The following TMEM232 variants were observed in gnomAD, a reference collection of about 807,000 sequenced individuals.
TMEM232 encodes the protein transmembrane protein 232.
TMEM232 carries 80 observed loss-of-function variants against 78.8 expected under a neutral mutation model. That is an observed-to-expected ratio of 1.01 (90% CI 0.85 to 1.22). The LOEUF (loss-of-function observed/expected upper bound fraction) is 1.22. TMEM232 is among the 50% of genes most tolerant of loss of function. The probability of loss-of-function intolerance (pLI) is 0.00; values close to 1 mark genes in which losing one functional copy is unlikely to be tolerated. For missense variants in TMEM232, 881 were observed against 742.2 expected (o/e 1.19, Z -2.17); for synonymous variants, 297 against 254.3 (o/e 1.17, Z -1.60).
chr5:110,695,464 G>A (rs954320766), intron 1 of TMEM232, among the ~76,000 whole-genome samples: 1 of 152,182 alleles, frequency 6.6e-6, no homozygotes, highest in Non-Finnish European at 1.5e-5. Flanking sequence ...GAGCAGAACT[G>A]AAGGGAATAG....
At position 110,388,518 on chromosome 5, in the gene TMEM232, C is replaced by T. The variant is rs563022901; in HGVS notation, n.616-465G>A. Among the ~76,000 whole-genome samples the T allele has an allele frequency of 3.3e-5, 5 of 152,210 alleles. No individual in the cohort carries two copies. In the South Asian group the frequency reaches 1.0e-3, roughly 32 times the overall value. On this transcript the variant is annotated intron_variant and non_coding_transcript_variant, in intron 4 of 8. Coordinates refer to the TMEM232 transcript ENST00000507188. The stretch of plus-strand genomic sequence containing the variant: ...GGTTGCTTTTTATTAAAAGGAAAAC[C>T]TTACCAAGGACTTTCGTACCCTCAC...
intron 5 of TMEM232, among the ~76,000 whole-genome samples, chr5:110,637,606 A>G (rs114852550): frequency 1.3e-3 from 191 of 151,996 alleles, no homozygotes; most frequent in Non-Finnish European, 2.3e-3. Flanking sequence ...CATCTTAAAA[A>G]ATACTTTTAG....
At chr5:110,439,431 C>A (rs1758788283) in intron 12 of TMEM232, among the ~76,000 whole-genome samples, 1 of 152,000 alleles carries the variant, frequency 6.6e-6, no homozygotes, top group African/African-American at 2.4e-5. Flanking sequence ...TCTGATGTCA[C>A]CCCTCCAACA....
chr5:110,522,955 A>G (rs182290590), intron 12 of TMEM232, among the ~76,000 whole-genome samples: 1 of 152,210 alleles, frequency 6.6e-6, no homozygotes, highest in Admixed American at 6.5e-5. Flanking sequence ...CTCCTCTTCA[A>G]TTTTTGGAGG....
chr5:110,431,981 T>A (rs1757907840), intron 12 of TMEM232, among the ~76,000 whole-genome samples: 1 of 151,786 alleles, frequency 6.6e-6, no homozygotes, highest in Non-Finnish European at 1.5e-5. Context: ...TTGGTAGCTT[T>A]ATAAAATGGA....
intron 2 of TMEM232, among the ~76,000 whole-genome samples, chr5:110,656,743 C>T (rs777081368): frequency 1.3e-5 from 2 of 151,494 alleles, no homozygotes; most frequent in Admixed American, 6.6e-5. Context: ...GAGGCTGAGG[C>T]AGGAGAATGG....
chr5:110,527,485 A>C (rs921095023), intron 12 of TMEM232, among the ~76,000 whole-genome samples: 10 of 151,990 alleles, frequency 6.6e-5, no homozygotes, highest in Admixed American at 6.6e-4. Flanking sequence ...GTTAAGTTTA[A>C]ATTTACAGAT....
intron 12 of TMEM232, among the ~76,000 whole-genome samples, chr5:110,457,176 C>T (rs1189866370): frequency 6.6e-6 from 1 of 151,934 alleles, no homozygotes; most frequent in Non-Finnish European, 1.5e-5. Flanking sequence ...ATCACATTAA[C>T]TTAATAAAAA....
chr5:110,587,845 T>C (rs1228373872), intron 10 of TMEM232, among the ~76,000 whole-genome samples: 1 of 150,988 alleles, frequency 6.6e-6, no homozygotes, highest in Admixed American at 6.6e-5. Flanking sequence ...TTTGGTTAAC[T>C]TCTGTATATG....
chr5:110,434,832 G>A (rs182382602), intron 12 of TMEM232, among the ~76,000 whole-genome samples: 2 of 151,730 alleles, frequency 1.3e-5, no homozygotes, highest in Non-Finnish European at 2.9e-5. Flanking sequence ...ATCACATAAA[G>A]AGAAATTTAA....
intron 1 of TMEM232, among the ~76,000 whole-genome samples, chr5:110,723,282 C>T (rs1404432427): frequency 6.6e-6 from 1 of 152,000 alleles, no homozygotes; most frequent in Non-Finnish European, 1.5e-5. Flanking sequence ...GGCATTAGAC[C>T]AGTTGACACA....
chr5:110,457,767 T>C (rs1761056325), intron 12 of TMEM232, among the ~76,000 whole-genome samples: 1 of 152,046 alleles, frequency 6.6e-6, no homozygotes, highest in African/African-American at 2.4e-5. Flanking sequence ...AGAATGTAGG[T>C]GCTATAAGAT....
intron 10 of TMEM232, among the ~76,000 whole-genome samples, chr5:110,597,513 C>T (rs1305582586): frequency 3.3e-5 from 5 of 151,980 alleles, no homozygotes; most frequent in Non-Finnish European, 7.4e-5. Flanking sequence ...GAAAAAACTA[C>T]TTTAAAGTTC....
intron 7 of TMEM232, among the ~76,000 whole-genome samples, chr5:110,624,153 C>T (rs1236558814): frequency 1.3e-5 from 2 of 152,100 alleles, no homozygotes; most frequent in Admixed American, 1.3e-4. Context: ...AAGAACATTC[C>T]AATCACAACA....
At chr5:110,508,784 T>C (rs924416744) in intron 12 of TMEM232, among the ~76,000 whole-genome samples, 4 of 148,634 alleles carry the variant, frequency 2.7e-5, no homozygotes, top group Admixed American at 2.0e-4. Context: ...TATGCATATA[T>C]GCTTTGTTTA....
At chr5:110,563,295 T>C (rs1298139805) in intron 11 of TMEM232, among the ~76,000 whole-genome samples, 1 of 151,900 alleles carries the variant, frequency 6.6e-6, no homozygotes, top group African/African-American at 2.4e-5. Flanking sequence ...CTTATGAATT[T>C]CAAATGTAAT....
chr5:110,511,132 ATG>A (rs1339163598), intron 12 of TMEM232, among the ~76,000 whole-genome samples: 1 of 152,198 alleles, frequency 6.6e-6, no homozygotes, highest in African/African-American at 2.4e-5. Flanking sequence ...GAATGAGTTC[ATG>A]TCCTTTGCAG....
At chr5:110,483,936 A>T (rs1477941210) in intron 12 of TMEM232, among the ~76,000 whole-genome samples, 5 of 152,208 alleles carry the variant, frequency 3.3e-5, no homozygotes, top group Non-Finnish European at 5.9e-5. Context: ...TGGATTCAGT[A>T]AAGAAAGTGT....
intron 1 of TMEM232, among the ~76,000 whole-genome samples, chr5:110,669,429 G>C (rs568630906): frequency 1.3e-5 from 2 of 152,098 alleles, no homozygotes; most frequent in Non-Finnish European, 2.9e-5. Context: ...GACTAAACCA[G>C]GAAGAAGCTG....
Sources: allele counts gnomAD v4.1 joint callset (sites outside exome capture counted in the v4.1 genomes callset), GRCh38; gene constraint gnomAD v4.1.1; transcripts MANE v1.5; gene names NCBI Gene and HGNC (gene_info 2026-07-23, HGNC 2026-07-21).